ETV5: variants seen among roughly 807,000 people sequenced by gnomAD.
ETV5 encodes the protein ETS variant transcription factor 5.
In ETV5, 10 loss-of-function variants were observed where a neutral mutation model predicts 70.0. The observed-to-expected ratio is 0.14, with a 90% CI of 0.09 to 0.24. ETV5 has a LOEUF of 0.24. Ranked by LOEUF, ETV5 falls within the 10% of genes least tolerant of loss-of-function variation. The pLI is 1.00. For synonymous variants in ETV5, 216 were observed against 242.2 expected (o/e 0.89, Z 1.01); for missense variants, 453 against 651.2 (o/e 0.70, Z 3.31).
At chr3:186,103,620 A>AACACACAC (rs10534124) in intron 5 of ETV5, among the ~76,000 whole-genome samples, 2,332 of 142,894 alleles carry the variant, frequency 0.016, 32 homozygotes, top group Middle Eastern at 0.032. Context: ...TCATCTTGCA[A>AACACACAC]ACACACACAC....
intron 1 of ETV5, among the ~76,000 whole-genome samples, chr3:186,107,956 C>G (rs1714633252): frequency 6.6e-6 from 1 of 151,758 alleles, no homozygotes; most frequent in Non-Finnish European, 1.5e-5. Context: ...GCCCCTCACC[C>G]CAGCGTTTTA....
intron 7 of ETV5, chr3:186,079,180 G>T: frequency 1.3e-6 from 1 of 792,608 alleles, no homozygotes; most frequent in Non-Finnish European, 1.6e-6. Context: ...AGATAAAGAG[G>T]TCAGGTTTGG....
intron 5 of ETV5, chr3:186,084,186 G>C (rs1713998293): frequency 2.2e-6 from 1 of 448,036 alleles, no homozygotes; most frequent in Non-Finnish European, 4.4e-6. Flanking sequence ...CAGCTGACTT[G>C]CTAAATGATG....
intron 5 of ETV5, among the ~76,000 whole-genome samples, chr3:186,099,893 T>C (rs1321989046): frequency 6.6e-6 from 1 of 152,228 alleles, no homozygotes; most frequent in East Asian, 1.9e-4. Context: ...CTGGTAAGCC[T>C]ACTGGGTTTT....
intron 5 of ETV5, among the ~76,000 whole-genome samples, chr3:186,093,547 A>C (rs953364398): frequency 5.3e-5 from 8 of 152,244 alleles, no homozygotes; most frequent in African/African-American, 1.9e-4. Context: ...TCTGGCAATC[A>C]AATACCCAGA....
At chr3:186,061,368 C>A (rs1408919139) in intron 9 of ETV5, among the ~76,000 whole-genome samples, 1 of 152,184 alleles carries the variant, frequency 6.6e-6, no homozygotes, top group South Asian at 2.1e-4. Flanking sequence ...ACTTGAGAAC[C>A]GTTACTACTC....
intron 1 of ETV5, chr3:186,108,487 G>C: frequency 7.8e-7 from 1 of 1,282,316 alleles, no homozygotes; most frequent in South Asian, 1.2e-5. Flanking sequence ...CGGTGCTCTG[G>C]GGGGCAGCGC....
chr3:186,101,890 G>A (rs1208115635), intron 5 of ETV5, among the ~76,000 whole-genome samples: 2 of 152,098 alleles, frequency 1.3e-5, no homozygotes, highest in Non-Finnish European at 2.9e-5. Flanking sequence ...TAGGACCAAG[G>A]GACAATGAGG....
At chr3:186,056,994 A>G in intron 11 of ETV5, 81 bp downstream of exon 11, 1 of 1,509,138 alleles carries the variant, frequency 6.6e-7, no homozygotes, top group Non-Finnish European at 9.0e-7. Context: ...TGACACAAAA[A>G]GCCTCAATGG....
chr3:186,088,660 A>C (rs1191677171), intron 5 of ETV5, among the ~76,000 whole-genome samples: 1 of 152,208 alleles, frequency 6.6e-6, no homozygotes, highest in Non-Finnish European at 1.5e-5. Context: ...GATCAAGAAG[A>C]GGGACATGGA....
Position 186,057,486 on chromosome 3 carries a change from A to C in ETV5, c.976T>G (p.Ser326Ala), listed in dbSNP as rs1052736998. The change falls in exon 10 of 13, where the codon TCA becomes GCA. Residue 326 changes from serine to alanine, a missense_variant. Physicochemically the swap from Ser to Ala is moderately conservative, Grantham distance 99. Transcript: ENST00000306376. The surrounding 1 kb of genome is among the most constrained non-coding windows in gnomAD (Gnocchi z 4.9). ...GYFSSSHEGF[S>A]YEKDPRLYFD... is the part of the protein sequence containing the mutation. ...TATAATCGGGGATCTTTTTCATATG[A>C]AAAACCTGAAAGAGAATTTAAAAGA... 3 of 1,613,400 alleles carry C rather than the reference A, an allele frequency of 1.9e-6. No individual in the cohort carries two copies. The Admixed American group carries it at 5.0e-5, about 27-fold the overall frequency.
At chr3:186,064,387 G>C in intron 9 of ETV5, 30 bp downstream of exon 9, 1 of 1,597,944 alleles carries the variant, frequency 6.3e-7, no homozygotes, top group Non-Finnish European at 8.6e-7. Flanking sequence ...GGAGAGAGGA[G>C]AGAAGAGGAA....
chr3:186,101,817 G>T (rs1714465587), intron 5 of ETV5, among the ~76,000 whole-genome samples: 1 of 152,158 alleles, frequency 6.6e-6, no homozygotes, highest in African/African-American at 2.4e-5. Flanking sequence ...GAGGGGGCTG[G>T]GCAAGCTTGT....
intron 7 of ETV5, among the ~76,000 whole-genome samples, chr3:186,068,678 A>G (rs1435399229): frequency 1.3e-5 from 2 of 152,214 alleles, no homozygotes; most frequent in Non-Finnish European, 2.9e-5. Context: ...TATCTGTGAC[A>G]TGGGGATGTA....
At chr3:186,097,447 G>A (rs1483712941) in intron 5 of ETV5, among the ~76,000 whole-genome samples, 1 of 152,170 alleles carries the variant, frequency 6.6e-6, no homozygotes, top group Non-Finnish European at 1.5e-5. Flanking sequence ...AGAAGAGCAG[G>A]CAGGAATCCT....
At chr3:186,076,694 A>C (rs1417331045) in intron 7 of ETV5, 1 of 187,778 alleles carries the variant, frequency 5.3e-6, no homozygotes, top group Non-Finnish European at 1.1e-5. Flanking sequence ...AATAAGGTAC[A>C]AGGCTAAATG....
chr3:186,100,119 TC>T (rs1399984474), intron 5 of ETV5, among the ~76,000 whole-genome samples: 1 of 152,184 alleles, frequency 6.6e-6, no homozygotes, highest in Non-Finnish European at 1.5e-5. Flanking sequence ...TTTAGCACCC[TC>T]CCAGCAGTAA....
intron 7 of ETV5, 52 bp from the exon 8 acceptor site, chr3:186,066,124 C>T: frequency 6.7e-7 from 1 of 1,494,318 alleles, no homozygotes; most frequent in African/African-American, 1.4e-5. Flanking sequence ...TGAATTCCTA[C>T]TATGATTGAG....
chr3:186,065,376 T>C (rs1713415931), intron 8 of ETV5, among the ~76,000 whole-genome samples: 2 of 152,244 alleles, frequency 1.3e-5, no homozygotes, highest in Non-Finnish European at 2.9e-5. Flanking sequence ...ACACGATCAC[T>C]ACCTCACACT....
Sources: gnomAD v4.1 joint callset for allele counts (sites outside exome capture counted in the v4.1 genomes callset) on GRCh38, gnomAD v4.1.1 for gene constraint, Gnocchi (gnomAD v3.1) non-coding constraint, MANE v1.5 for transcripts, NCBI Gene and HGNC (gene_info 2026-07-23, HGNC 2026-07-21) for gene names.